The following EIF3E variants were observed in gnomAD, a reference collection of about 807,000 sequenced individuals.
EIF3E encodes eukaryotic translation initiation factor 3 subunit E.
In EIF3E, 25 loss-of-function variants were observed where a neutral mutation model predicts 59.3. That is an observed-to-expected ratio of 0.42 (90% CI 0.31 to 0.59). EIF3E has a LOEUF of 0.59. Among genes scored for constraint, EIF3E ranks in the 20% least tolerant of loss-of-function variants. The pLI is 0.15. For missense variants in EIF3E, 317 were observed against 534.3 expected, an observed-to-expected ratio of 0.59 and a Z score of 4.01; for synonymous variants, 176 against 170.2, an observed-to-expected ratio of 1.03 and a Z score of -0.26.
Position 108,217,416 on chromosome 8 carries a change from T to C in EIF3E, c.767A>G (p.Tyr256Cys). ...IQTMCPHILR[Y>C]LTTAVITNKD... is the part of the protein sequence containing the mutation. ...GTTTGTTATGACTGCTGTAGTCAAA[T>C]AGCGAAGAATGTGTGGACACATTGT... Residue 256 changes from tyrosine (Y) to cysteine (C), a missense_variant, in exon 8 of 13, where the codon TAT (tyrosine) becomes TGT (cysteine). Physicochemically the swap from Tyr to Cys is radical, Grantham distance 194. Around this residue, in one of 4 missense-constraint regions of EIF3E, gnomAD observed 242 missense variants for 398.0 expected, o/e 0.61. Transcript: ENST00000220849. 1 of 1,605,060 alleles carries C rather than the reference T, an allele frequency of 6.2e-7. No individual in the cohort carries two copies.
At chr8:108,202,313 T>C (rs981156873) in intron 12 of EIF3E, among the ~76,000 whole-genome samples, 2 of 152,092 alleles carry the variant, frequency 1.3e-5, no homozygotes, top group Non-Finnish European at 1.5e-5. Context: ...AACTAAAGGA[T>C]TATTCTGCGG....
chr8:108,242,448 C>T (rs627392), intron 1 of EIF3E: 743,564 of 1,287,392 alleles, frequency 0.58, 215,717 homozygotes, highest in African/African-American at 0.68. Flanking sequence ...CAAATAGATA[C>T]ATATACACAA....
chr8:108,241,109 GTATTA>G (rs1199095325), intron 2 of EIF3E, among the ~76,000 whole-genome samples: 1 of 152,176 alleles, frequency 6.6e-6, no homozygotes, highest in Non-Finnish European at 1.5e-5. Flanking sequence ...AATAATGTCT[GTATTA>G]TATATTAGAA....
intron 7 of EIF3E, among the ~76,000 whole-genome samples, chr8:108,218,655 G>A (rs575973140): frequency 1.3e-5 from 2 of 152,008 alleles, no homozygotes; most frequent in Non-Finnish European, 2.9e-5. Context: ...TGAAAATTTT[G>A]TATTGCAATA....
At chr8:108,235,152 AC>A in intron 4 of EIF3E, 50 bp from the exon 5 acceptor site, 1 of 1,186,560 alleles carries the variant, frequency 8.4e-7, no homozygotes, top group Non-Finnish European at 1.2e-6. Context: ...GAGTTTTAAA[AC>A]CCCATTGTAA....
intron 10 of EIF3E, among the ~76,000 whole-genome samples, chr8:108,208,100 C>G (rs755231467): frequency 6.6e-6 from 1 of 152,094 alleles, no homozygotes; most frequent in Non-Finnish European, 1.5e-5. Context: ...TTCAAATGGT[C>G]TTACTTTTCT....
At position 108,216,471 on chromosome 8, in the gene EIF3E, A is replaced by T; in HGVS notation, c.892T>A (p.Cys298Ser). The T allele has an allele frequency of 6.2e-7, 1 of 1,610,180 alleles. No individual in the cohort carries two copies. Among genetic ancestry groups the T allele is most frequent in the Non-Finnish European group, 8.5e-7 (1 of 1,178,746 alleles). ...YKDPITEFVECLYVNFDFDGA... is the reference protein window; with the variant it reads ...YKDPITEFVESLYVNFDFDGA... The stretch of plus-strand genomic sequence containing the variant: ...TCAAAGTCAAAGTTAACATATAAAC[A>T]TTCAACAAATTCTGTAATTGGGTCT... The change falls in exon 9 of 13, where the codon TGT becomes AGT. Residue 298 changes from cysteine (C) to serine (S), a missense_variant. Cys to Ser is a moderately radical substitution (Grantham distance 112). Around this residue, in one of 4 missense-constraint regions of EIF3E, gnomAD observed 242 missense variants for 398.0 expected, o/e 0.61. Coordinates refer to ENST00000220849, the MANE Select transcript of EIF3E (RefSeq NM_001568.3).
intron 7 of EIF3E, 142 bp from the exon 8 acceptor site, chr8:108,217,602 A>G: frequency 1.6e-6 from 1 of 618,700 alleles, no homozygotes; most frequent in Non-Finnish European, 2.5e-6. Flanking sequence ...AATCTCCTCC[A>G]AGGAAATTTA....
intron 10 of EIF3E, among the ~76,000 whole-genome samples, chr8:108,211,874 T>C (rs1408385743): frequency 2.6e-5 from 4 of 152,218 alleles, no homozygotes; most frequent in African/African-American, 4.8e-5. Flanking sequence ...TCTACAAAGA[T>C]TCTGAAACAC....
At chr8:108,204,862 AAAT>A (rs1055635325) in intron 10 of EIF3E, among the ~76,000 whole-genome samples, 2 of 151,464 alleles carry the variant, frequency 1.3e-5, no homozygotes, top group African/African-American at 4.8e-5. Context: ...TCTTGATCTA[AAAT>A]ACTCTTTGAT....
At chr8:108,248,369 A>C (rs1160183263) in intron 1 of EIF3E, among the ~76,000 whole-genome samples, 1 of 151,938 alleles carries the variant, frequency 6.6e-6, no homozygotes, top group Non-Finnish European at 1.5e-5. Flanking sequence ...CCGCACTGAC[A>C]CCTCAGTAAG....
At chr8:108,235,872 C>T (rs186598611) in intron 4 of EIF3E, among the ~76,000 whole-genome samples, 2 of 152,318 alleles carry the variant, frequency 1.3e-5, no homozygotes, top group African/African-American at 4.8e-5. Context: ...ACTTAGCTTG[C>T]TATTGGCACT....
intron 1 of EIF3E, among the ~76,000 whole-genome samples, chr8:108,248,382 A>G (rs1180385996): frequency 6.6e-6 from 1 of 152,118 alleles, no homozygotes; most frequent in Non-Finnish European, 1.5e-5. Context: ...TCAGTAAGTG[A>G]AAGAGACTTC....
At chr8:108,242,748 C>T in intron 1 of EIF3E, 1 of 897,996 alleles carries the variant, frequency 1.1e-6, no homozygotes, top group Non-Finnish European at 1.3e-6. Context: ...AAAAGATAGG[C>T]ACTTCGCAAA....
At chr8:108,223,734 T>A (rs1815466238) in intron 7 of EIF3E, among the ~76,000 whole-genome samples, 1 of 146,624 alleles carries the variant, frequency 6.8e-6, no homozygotes, top group African/African-American at 2.8e-5. Flanking sequence ...CCACCTTATC[T>A]TATATATTAT....
At chr8:108,233,641 A>G in intron 5 of EIF3E, 1 of 405,630 alleles carries the variant, frequency 2.5e-6, no homozygotes, top group Admixed American at 2.7e-5. Flanking sequence ...CAGGAGTTTG[A>G]GATCAGCCTG....
rs141019749 is a variant in EIF3E, at chr8:108,238,937, C to T, written c.323+1021G>A. Among the ~76,000 whole-genome samples the T allele has an allele frequency of 4.5e-3, 684 of 152,182 alleles. 4 individuals carry two copies. The highest frequency in any genetic ancestry group is 0.027 in the Middle Eastern group (8 of 294). On this transcript the variant is annotated intron_variant, in intron 3 of 12. Transcript: ENST00000220849. ...TCTAGTAACCCAAAAGACTTCCACC[C>T]GTGACATGTACTACGTCAGACTAAG...
chr8:108,223,645 C>A (rs953565318), intron 7 of EIF3E, among the ~76,000 whole-genome samples: 2 of 152,158 alleles, frequency 1.3e-5, no homozygotes, highest in Admixed American at 6.6e-5. Flanking sequence ...CAAATGGATT[C>A]TTTTTCCTAA....
intron 5 of EIF3E, chr8:108,233,368 A>G (rs144396205): frequency 1.1e-4 from 17 of 152,448 alleles, no homozygotes; most frequent in African/African-American, 3.8e-4. Context: ...TGAAAATTTT[A>G]ATTTCCTAGA....
Sources: gnomAD v4.1 joint callset for allele counts (sites outside exome capture counted in the v4.1 genomes callset) on GRCh38, gnomAD v4.1.1 for gene constraint, gnomAD v4.1.1 regional missense constraint, MANE v1.5 for transcripts, NCBI Gene and HGNC (gene_info 2026-07-23, HGNC 2026-07-21) for gene names.